GPC5: variants seen among roughly 807,000 people sequenced by gnomAD.
GPC5 encodes the protein glypican 5, also known as glypican-5.
Under a neutral mutation model 53.9 loss-of-function variants are expected in GPC5, and 47 were observed. That is an observed-to-expected ratio of 0.87 (90% CI 0.69 to 1.11). The LOEUF (loss-of-function observed/expected upper bound fraction) is 1.11. GPC5 is among the 50% of genes most tolerant of loss of function. The pLI, the probability that GPC5 is intolerant of heterozygous loss-of-function variation, is 0.00. For synonymous variants in GPC5, 286 were observed against 263.3 expected (o/e 1.09, Z -0.84); for missense variants, 748 against 713.1 (o/e 1.05, Z -0.56).
chr13:92,030,490 A>G (rs929657580), intron 6 of GPC5, among the ~76,000 whole-genome samples: 1 of 152,222 alleles, frequency 6.6e-6, no homozygotes, highest in Non-Finnish European at 1.5e-5. Context: ...TGCAGGTTCA[A>G]TAACAGTCAT....
chr13:91,490,346 A>T (rs1172712267), intron 2 of GPC5, among the ~76,000 whole-genome samples: 6 of 152,224 alleles, frequency 3.9e-5, no homozygotes, highest in Non-Finnish European at 8.8e-5. Context: ...AGTGCCACAG[A>T]GAAATAAGAA....
At chr13:92,379,585 C>A (rs887570805) in intron 7 of GPC5, among the ~76,000 whole-genome samples, 1 of 143,088 alleles carries the variant, frequency 7.0e-6, no homozygotes, top group Non-Finnish European at 1.5e-5. Flanking sequence ...CTCTGTGCCC[C>A]CTGCATATTA....
At chr13:92,291,025 C>T (rs559914664) in intron 7 of GPC5, among the ~76,000 whole-genome samples, 1 of 152,152 alleles carries the variant, frequency 6.6e-6, no homozygotes, top group African/African-American at 2.4e-5. Flanking sequence ...AGGGGTTTAG[C>T]ACCTGGGCCA....
rs140046283 is a variant in GPC5 at position 91,571,810 on chromosome 13, CAT to C, written c.326-121375_326-121374del. 1.5e-4 allele frequency among the ~76,000 whole-genome samples: 13 copies of C among 86,682 alleles called. No individual in the cohort carries two copies. The East Asian group carries it at 1.8e-3, about 12-fold the overall frequency. 56.9% of individuals were successfully genotyped at this position (86,682 alleles called of 152,430 possible). A position where few individuals can be genotyped will look rare whatever the true frequency, so the allele number is the denominator to read the frequency against. Reference sequence around the variant, plus strand: ...ATACGTGTGTGTATATATACACACACATACGTGTGTGTATATATACACATATA... The same window carrying C: ...ATACGTGTGTGTATATATACACACACACGTGTGTGTATATATACACATATA... On this transcript the variant is annotated intron_variant, in intron 2 of 7. Coordinates refer to ENST00000377067, the MANE Select transcript of GPC5 (RefSeq NM_004466.6).
chr13:92,747,728 A>T (rs1889273612), intron 7 of GPC5, among the ~76,000 whole-genome samples: 1 of 152,174 alleles, frequency 6.6e-6, no homozygotes, highest in South Asian at 2.1e-4. Context: ...AAACATGTAG[A>T]TTCTCCCTGA....
chr13:91,829,196 T>C (rs1293566879), intron 5 of GPC5, among the ~76,000 whole-genome samples: 2 of 152,100 alleles, frequency 1.3e-5, no homozygotes, highest in Non-Finnish European at 2.9e-5. Flanking sequence ...TAAACTCCTC[T>C]AATTATGAGA....
chr13:91,552,129 C>A (rs2030675375), intron 2 of GPC5, among the ~76,000 whole-genome samples: 2 of 151,912 alleles, frequency 1.3e-5, no homozygotes, highest in African/African-American at 4.8e-5. Flanking sequence ...CTTGCTATTA[C>A]TTTTAATGAT....
At chr13:92,095,272 C>CT (rs1254931072) in intron 6 of GPC5, among the ~76,000 whole-genome samples, 9 of 152,108 alleles carry the variant, frequency 5.9e-5, no homozygotes, top group African/African-American at 2.2e-4. Context: ...ACCAATTCTC[C>CT]TTTTTTCGTT....
chr13:91,541,467 G>A (rs1470253026), intron 2 of GPC5, among the ~76,000 whole-genome samples: 1 of 152,066 alleles, frequency 6.6e-6, no homozygotes, highest in African/African-American at 2.4e-5. Context: ...GCAATCTATA[G>A]TATTCCCAAT....
intron 7 of GPC5, among the ~76,000 whole-genome samples, chr13:92,684,840 A>G (rs1464902905): frequency 6.6e-6 from 1 of 152,130 alleles, no homozygotes; most frequent in Non-Finnish European, 1.5e-5. Flanking sequence ...TGGATATACC[A>G]TTTCGCATCC....
intron 7 of GPC5, among the ~76,000 whole-genome samples, chr13:92,863,720 C>T (rs899217179): frequency 6.6e-6 from 1 of 152,046 alleles, no homozygotes; most frequent in Non-Finnish European, 1.5e-5. Context: ...CTTGTACTCC[C>T]GACCTCAGGT....
intron 5 of GPC5, among the ~76,000 whole-genome samples, chr13:91,769,970 C>G (rs2037592097): frequency 6.6e-6 from 1 of 152,152 alleles, no homozygotes; most frequent in South Asian, 2.1e-4. Context: ...ACAAGATGCC[C>G]CCCACTTTAG....
chr13:91,499,495 T>C (rs1363346795), intron 2 of GPC5, among the ~76,000 whole-genome samples: 1 of 152,236 alleles, frequency 6.6e-6, no homozygotes, highest in Non-Finnish European at 1.5e-5. Flanking sequence ...CTTCCTGCCC[T>C]AGTAAACTTT....
chr13:92,168,949 A>G (rs2042050354), intron 7 of GPC5, among the ~76,000 whole-genome samples: 1 of 152,210 alleles, frequency 6.6e-6, no homozygotes, highest in Non-Finnish European at 1.5e-5. Flanking sequence ...ACAGTTATAG[A>G]CCGGATAAAG....
intron 7 of GPC5, among the ~76,000 whole-genome samples, chr13:92,577,462 G>C (rs1883225706): frequency 6.9e-6 from 1 of 145,026 alleles, no homozygotes; most frequent in Non-Finnish European, 1.5e-5. Flanking sequence ...CAATGACCTT[G>C]AAAGTCTGGT....
At chr13:92,854,568 T>A (rs1265306420) in intron 7 of GPC5, among the ~76,000 whole-genome samples, 1 of 151,824 alleles carries the variant, frequency 6.6e-6, no homozygotes, top group Non-Finnish European at 1.5e-5. Context: ...ATATTTCACC[T>A]AAGAATTATT....
chr13:92,778,986 CACAT>C (rs1257054520), intron 7 of GPC5, among the ~76,000 whole-genome samples: 29 of 151,926 alleles, frequency 1.9e-4, no homozygotes, highest in Middle Eastern at 3.4e-3. Context: ...CACACACACA[CACAT>C]ATATATATAT....
In GPC5 at chr13:92,272,398, C is replaced by T. The variant is rs192349287; in HGVS notation, c.1561+127409C>T. Among the ~76,000 whole-genome samples, 170 of 152,268 alleles carry T rather than the reference C, an allele frequency of 1.1e-3. 2 individuals carry two copies. Among genetic ancestry groups the T allele is most frequent in the Non-Finnish European group, 4.6e-4 (31 of 68,016 alleles). On this transcript the variant is annotated intron_variant, in intron 7 of 7. Transcript: ENST00000377067. ...CTTGGGGCTACATTGAGAAAACTGC[C>T]TATGATGTAACCATCTAGCAATGTT...
At chr13:92,704,600 A>G (rs1314484065) in intron 7 of GPC5, among the ~76,000 whole-genome samples, 2 of 152,048 alleles carry the variant, frequency 1.3e-5, no homozygotes, top group South Asian at 2.1e-4. Flanking sequence ...CAAAACCACT[A>G]ATATGTGAAA....
Sources: gnomAD v4.1 joint callset for allele counts (sites outside exome capture counted in the v4.1 genomes callset) on GRCh38, gnomAD v4.1.1 for gene constraint, MANE v1.5 for transcripts, NCBI Gene and HGNC (gene_info 2026-07-23, HGNC 2026-07-21) for gene names.